Variants in TCERG1L observed in about 807,000 individuals in gnomAD.
The protein encoded by TCERG1L is transcription elongation regulator 1 like, also known as transcription elongation regulator 1-like protein.
A neutral mutation model predicts 56.3 loss-of-function variants in TCERG1L; 37 were observed. That is an observed-to-expected ratio of 0.66 (90% CI 0.51 to 0.87). The LOEUF (loss-of-function observed/expected upper bound fraction) is 0.87, where lower values mean the gene tolerates loss of function less well. Ranked by LOEUF, TCERG1L falls within the 40% of genes least tolerant of loss-of-function variation. The pLI is 0.00. For missense variants in TCERG1L, 799 were observed against 774.2 expected (o/e 1.03, Z -0.38); for synonymous variants, 324 against 326.3 (o/e 0.99, Z 0.08).
chr10:131,114,326 A>G (rs1845434416), intron 9 of TCERG1L, among the ~76,000 whole-genome samples: 1 of 142,400 alleles, frequency 7.0e-6, no homozygotes, highest in African/African-American at 2.5e-5. Context: ...ATCTGCCAGC[A>G]TATTTTACAA....
At chr10:131,163,649 T>G (rs550409259) in intron 5 of TCERG1L, among the ~76,000 whole-genome samples, 67 of 152,268 alleles carry the variant, frequency 4.4e-4, no homozygotes, top group African/African-American at 1.5e-3. Context: ...CACATCCTGT[T>G]AAGGCGGGAG....
intron 4 of TCERG1L, among the ~76,000 whole-genome samples, chr10:131,170,649 C>T (rs964156854): frequency 2.0e-5 from 3 of 152,196 alleles, no homozygotes; most frequent in Non-Finnish European, 2.9e-5. Flanking sequence ...CGCCAGTCAG[C>T]TGACAAGCAT....
chr10:131,267,920 G>A lies in TCERG1L; in HGVS notation c.671-7476C>T, dbSNP rs899877225. Among the ~76,000 whole-genome samples the A allele has an allele frequency of 2.0e-5, 3 of 152,216 alleles. No homozygotes were observed. Among genetic ancestry groups the A allele is most frequent in the African/African-American group, 7.2e-5 (3 of 41,466 alleles). ...TCCCCGGGGGCCCTAGTGCTCAGGG[G>A]TGGTCCAGGGCTCCCCTTTGCCCAG... On this transcript the variant is annotated intron_variant, in intron 3 of 11. Coordinates refer to ENST00000368642, the MANE Select transcript of TCERG1L (RefSeq NM_174937.4). This position sits in a 1 kb window ranked among gnomAD's most constrained non-coding sequence, Gnocchi z 4.9.
intron 4 of TCERG1L, among the ~76,000 whole-genome samples, chr10:131,188,566 T>A (rs1845271411): frequency 6.6e-6 from 1 of 152,194 alleles, no homozygotes; most frequent in Admixed American, 6.5e-5. Context: ...CTACATTCAA[T>A]AATGGGCACA....
intron 9 of TCERG1L, among the ~76,000 whole-genome samples, chr10:131,113,571 C>G (rs188991294): frequency 7.0e-6 from 1 of 142,316 alleles, no homozygotes; most frequent in Non-Finnish European, 1.6e-5. Context: ...AAGGAGAAAT[C>G]GTCACAGCGA....
intron 4 of TCERG1L, among the ~76,000 whole-genome samples, chr10:131,183,414 T>C (rs567883966): frequency 2.0e-5 from 3 of 152,344 alleles, no homozygotes; most frequent in East Asian, 1.9e-4. Flanking sequence ...CCCATTTCTA[T>C]TGAGCTACCT....
At chr10:131,140,615 G>A (rs1157939984) in intron 7 of TCERG1L, among the ~76,000 whole-genome samples, 2 of 152,146 alleles carry the variant, frequency 1.3e-5, no homozygotes, top group Non-Finnish European at 2.9e-5. Flanking sequence ...TGGCTTTCCT[G>A]GGCACGAAGA....
At chr10:131,309,379 C>T in intron 1 of TCERG1L, 80 bp from the exon 2 acceptor site, 1 of 1,519,418 alleles carries the variant, frequency 6.6e-7, no homozygotes. Flanking sequence ...GCTGGAATAA[C>T]TGCTTTGAAA....
intron 3 of TCERG1L, among the ~76,000 whole-genome samples, chr10:131,305,578 T>C (rs1306506402): frequency 6.6e-6 from 1 of 152,070 alleles, no homozygotes; most frequent in African/African-American, 2.4e-5. Context: ...CTATTATCCC[T>C]AAAACAACAG....
intron 3 of TCERG1L, among the ~76,000 whole-genome samples, chr10:131,302,754 T>C (rs1175075132): frequency 6.6e-6 from 1 of 151,870 alleles, no homozygotes; most frequent in African/African-American, 2.4e-5. Flanking sequence ...ATTAGGCATT[T>C]CTCCTAATGC....
chr10:131,205,412 G>C (rs902039032), intron 4 of TCERG1L, among the ~76,000 whole-genome samples: 2 of 151,674 alleles, frequency 1.3e-5, no homozygotes, highest in Non-Finnish European at 1.5e-5. Flanking sequence ...GAGAAAAAGG[G>C]AGAAAAAGTT....
chr10:131,105,857 G>A (rs539250387), intron 9 of TCERG1L, among the ~76,000 whole-genome samples: 2 of 152,326 alleles, frequency 1.3e-5, no homozygotes, highest in East Asian at 1.9e-4. Context: ...CAGCTTCTTT[G>A]AGGTTGGCCT....
chr10:131,274,727 C>T (rs973032649), intron 3 of TCERG1L, among the ~76,000 whole-genome samples: 3 of 152,200 alleles, frequency 2.0e-5, no homozygotes, highest in African/African-American at 7.2e-5. Flanking sequence ...AGGGGAGGAC[C>T]CACCTGACCC....
rs764491048 is a variant in TCERG1L, at chr10:131,163,236, T to C, written c.946-26A>G. 2.7e-6 allele frequency: 4 copies of C among 1,473,590 alleles called. No individual in the cohort carries two copies. In the South Asian group the frequency reaches 5.5e-5, roughly 20 times the overall value. The allele number at this position is 1,473,590 out of a possible 1,614,324, so 91.3% of individuals were successfully genotyped here. A position where few individuals can be genotyped will look rare whatever the true frequency, so the allele number is the denominator to read the frequency against. ...CTTTCAACAGAAAGAGACAGGGGAG[T>C]GGCTTTTAATTTTAAACACTCATCT... On this transcript the variant is annotated intron_variant, in intron 5 of 11. Coordinates refer to ENST00000368642, the MANE Select transcript of TCERG1L (RefSeq NM_174937.4).
At chr10:131,100,484 G>A (rs1437483194) in intron 10 of TCERG1L, among the ~76,000 whole-genome samples, 1 of 152,150 alleles carries the variant, frequency 6.6e-6, no homozygotes, top group African/African-American at 2.4e-5. Context: ...CGCAGGTTTT[G>A]TTTTTCATCC....
At chr10:131,309,592 C>A (rs1846857101) in intron 1 of TCERG1L, among the ~76,000 whole-genome samples, 1 of 152,018 alleles carries the variant, frequency 6.6e-6, no homozygotes, top group African/African-American at 2.4e-5. Flanking sequence ...GGTTTCTGCT[C>A]TGAGATAATG....
At chr10:131,291,839 TAAGTA>T (rs1467477074) in intron 3 of TCERG1L, among the ~76,000 whole-genome samples, 1 of 152,114 alleles carries the variant, frequency 6.6e-6, no homozygotes, top group Non-Finnish European at 1.5e-5. Context: ...ATTTCACACA[TAAGTA>T]AAGGTTATGA....
chr10:131,194,204 A>C (rs1035950430), intron 4 of TCERG1L, among the ~76,000 whole-genome samples: 2 of 152,244 alleles, frequency 1.3e-5, no homozygotes, highest in African/African-American at 4.8e-5. Context: ...AACATTGGGA[A>C]GCTACCATGT....
At chr10:131,107,222 G>A (rs943381715) in intron 9 of TCERG1L, among the ~76,000 whole-genome samples, 6 of 152,158 alleles carry the variant, frequency 3.9e-5, no homozygotes, top group African/African-American at 7.2e-5. Flanking sequence ...CCCACCTCAC[G>A]GGGACCTGTG....
Sources: allele counts gnomAD v4.1 joint callset (sites outside exome capture counted in the v4.1 genomes callset), GRCh38; gene constraint gnomAD v4.1.1; non-coding constraint Gnocchi (gnomAD v3.1); transcripts MANE v1.5; gene names NCBI Gene and HGNC (gene_info 2026-07-23, HGNC 2026-07-21).